Variants in ADAMTS10 observed in about 807,000 individuals in gnomAD.
ADAMTS10 encodes the protein ADAM metallopeptidase with thrombospondin type 1 motif 10.
In ADAMTS10, 48 loss-of-function variants were observed where a neutral mutation model predicts 135.9. That is an observed-to-expected ratio of 0.35 (90% CI 0.28 to 0.45). The LOEUF (loss-of-function observed/expected upper bound fraction) is 0.45. Ranked by LOEUF, ADAMTS10 falls within the 20% of genes least tolerant of loss-of-function variation. The pLI is 1.00. For synonymous variants in ADAMTS10, 621 were observed against 647.5 expected (o/e 0.96, Z 0.62); for missense variants, 1,131 against 1,565.2 (o/e 0.72, Z 4.68).
chr19:8,587,983 T>C lies in ADAMTS10; in HGVS notation c.2159-1087A>G, dbSNP rs111348741. Reference sequence around the variant, plus strand: ...GTAGAGTTTGGCCGGGTGTGGTGGCTCACACCTGTAATCCTAGCACTTTGG... The same window carrying C: ...GTAGAGTTTGGCCGGGTGTGGTGGCCCACACCTGTAATCCTAGCACTTTGG... On this transcript the variant is annotated intron_variant, in intron 18 of 25. Coordinates refer to ENST00000597188, the MANE Select transcript of ADAMTS10 (RefSeq NM_030957.4). Among the ~76,000 whole-genome samples the C allele has an allele frequency of 1.6e-3, 223 of 143,752 alleles. 2 individuals are homozygous for C. The highest frequency in any genetic ancestry group is 5.2e-3 in the African/African-American group (205 of 39,300). The allele number at this position is 143,752 out of a possible 152,430, so 94.3% of individuals were successfully genotyped here.
At chr19:8,594,528 C>T (rs1268726708) in intron 12 of ADAMTS10, among the ~76,000 whole-genome samples, 1 of 152,078 alleles carries the variant, frequency 6.6e-6, no homozygotes, top group Admixed American at 6.6e-5. Flanking sequence ...CAGTGCCAGC[C>T]CAAGCTTGAT....
In ADAMTS10 at chr19:8,596,910, T is replaced by A. The variant is rs1265295616; in HGVS notation, c.1040+77A>T. ...CTCCTCCTGACCCTAGCAGAAGTGA[T>A]CTCTGTTTGGACTCTCATGGTTCCC... is the stretch of plus-strand genomic sequence containing the variant. On this transcript the variant is annotated intron_variant, in intron 8 of 25. Transcript: ENST00000597188. This position sits in a 1 kb window ranked among gnomAD's most constrained non-coding sequence, Gnocchi z 7.2. 6.3e-7 allele frequency: 1 copy of A among 1,595,730 alleles called. No individual in the cohort carries two copies. The highest frequency in any genetic ancestry group is 8.5e-7 in the Non-Finnish European group (1 of 1,175,148).
At chr19:8,589,126 C>T (rs2042481136) in intron 18 of ADAMTS10, 116 bp downstream of exon 18, 1 of 1,553,956 alleles carries the variant, frequency 6.4e-7, no homozygotes, top group Non-Finnish European at 8.7e-7. Context: ...CCTGACACTC[C>T]ACGGGGCCCC....
chr19:8,583,501 A>G (rs1296928963), intron 25 of ADAMTS10, among the ~76,000 whole-genome samples: 6 of 151,600 alleles, frequency 4.0e-5, no homozygotes, highest in African/African-American at 1.5e-4. Context: ...AGATCATGCC[A>G]CTGCACTACA....
chr19:8,603,959 T>C, intron 4 of ADAMTS10, 75 bp from the exon 5 acceptor site: 1 of 1,456,194 alleles, frequency 6.9e-7, no homozygotes, highest in Admixed American at 2.4e-5. Context: ...ACCTTCTCTC[T>C]GTCTTTATGA....
At chr19:8,603,672 C>T (rs782197362) in intron 5 of ADAMTS10, 56 bp downstream of exon 5, 108 of 1,609,352 alleles carry the variant, frequency 6.7e-5, no homozygotes, top group Non-Finnish European at 8.8e-5. Flanking sequence ...GACACTGCTG[C>T]CTCAAGGGAA....
At chr19:8,585,703 G>C (rs1251246668) in intron 22 of ADAMTS10, 43 bp from the exon 23 acceptor site, 25 of 1,590,172 alleles carry the variant, frequency 1.6e-5, no homozygotes, top group Non-Finnish European at 2.1e-5. Flanking sequence ...CAGGGCAGGG[G>C]GTCCCAACAC....
At chr19:8,604,023 T>A in intron 4 of ADAMTS10, 139 bp from the exon 5 acceptor site, 2 of 806,252 alleles carry the variant, frequency 2.5e-6, no homozygotes, top group Non-Finnish European at 3.7e-6. Flanking sequence ...TTGGCATAGG[T>A]AATTAGTGTC....
chr19:8,597,419 CTG>C (rs1416483708), intron 6 of ADAMTS10, 102 bp from the exon 7 acceptor site: 1 of 1,054,746 alleles, frequency 9.5e-7, no homozygotes, highest in East Asian at 2.6e-5. Context: ...CAGGCACCTA[CTG>C]TGTGTCGGGT....
intron 6 of ADAMTS10, among the ~76,000 whole-genome samples, chr19:8,598,533 G>T (rs1311282360): frequency 6.7e-6 from 1 of 150,212 alleles, no homozygotes; most frequent in African/African-American, 2.5e-5. Flanking sequence ...TGGAACCCTG[G>T]GTAATCATTT....
Position 8,607,959 on chromosome 19 carries a change from C to T in ADAMTS10, c.-100+175G>A, listed in dbSNP as rs557374877. The stretch of plus-strand genomic sequence containing the variant: ...CCGAGTAGCTGGGACTACAGGTGTG[C>T]GCCACCATGCCCAGCTAATTTTTGT... On this transcript the variant is annotated intron_variant, in intron 2 of 25. Coordinates refer to ENST00000597188, the MANE Select transcript of ADAMTS10 (RefSeq NM_030957.4). Among the ~76,000 whole-genome samples, 60 of 151,758 alleles carry T rather than the reference C, an allele frequency of 4.0e-4. 1 individual carries two copies. The highest frequency in any genetic ancestry group is 7.8e-4 in the East Asian group (4 of 5,160).
Position 8,596,856 on chromosome 19 carries a change from C to G in ADAMTS10, c.1040+131G>C. ...TCAAGCAGCCCCTCCCCATCCCTGG[C>G]TCCCTCATGGGCAGCCCAAACTTCT... On this transcript the variant is annotated intron_variant, in intron 8 of 25. Transcript: ENST00000597188. This position sits in a 1 kb window ranked among gnomAD's most constrained non-coding sequence, Gnocchi z 7.2. 1 of 1,444,546 alleles carries G rather than the reference C, an allele frequency of 6.9e-7. No homozygotes were observed. The highest frequency in any genetic ancestry group is 9.5e-7 in the Non-Finnish European group (1 of 1,052,382). The allele number at this position is 1,444,546 out of a possible 1,614,324, so 89.5% of individuals were successfully genotyped here.
chr19:8,586,488 CA>C lies in ADAMTS10; in HGVS notation c.2404-19del. On this transcript the variant is annotated intron_variant, in intron 20 of 25. Transcript: ENST00000597188. ...GCCAGCACCTGGAGAAAGGGGGCGG[CA>C]GCCAGTGGAAGGATCGCATGGAGTC... 1 of 1,613,370 alleles carries C rather than the reference CA, an allele frequency of 6.2e-7. No individual in the cohort carries two copies. The highest frequency in any genetic ancestry group is 8.5e-7 in the Non-Finnish European group (1 of 1,180,018).
rs1600096789 is a variant in ADAMTS10 at position 8,586,724 on chromosome 19, G to C, written c.2240-3C>G. The C allele has an allele frequency of 1.2e-6, 2 of 1,614,060 alleles. No individual in the cohort carries two copies. The highest frequency in any genetic ancestry group is 1.7e-6 in the Non-Finnish European group (2 of 1,180,010). On this transcript the variant is annotated splice_region_variant and splice_polypyrimidine_tract_variant and intron_variant, in intron 19 of 25. Coordinates refer to ENST00000597188, the MANE Select transcript of ADAMTS10 (RefSeq NM_030957.4). ...GGACTCCTGGTCTCCCTTCAGGGCT[G>C]GGGGACGATGCAGGGTTCAGAATTC...
intron 11 of ADAMTS10, 26 bp from the exon 12 acceptor site, chr19:8,595,929 A>T (rs1555740042): frequency 6.2e-7 from 1 of 1,614,186 alleles, no homozygotes; most frequent in South Asian, 1.1e-5. Context: ...AGCAACTGTC[A>T]TGCTAGGTGG....
intron 12 of ADAMTS10, 126 bp from the exon 13 acceptor site, chr19:8,592,996 T>C: frequency 1.2e-6 from 1 of 857,940 alleles, no homozygotes; most frequent in Non-Finnish European, 1.9e-6. Flanking sequence ...CGGTGCTCCC[T>C]TCCTGGCTCG....
At chr19:8,604,846 T>C in intron 4 of ADAMTS10, 166 bp downstream of exon 4, 1 of 761,546 alleles carries the variant, frequency 1.3e-6, no homozygotes, top group Non-Finnish European at 2.1e-6. Context: ...AGGCTATACA[T>C]TTTCCTTTAA....
At chr19:8,595,473 G>C (rs551873611) in intron 12 of ADAMTS10, 34 of 458,800 alleles carry the variant, frequency 7.4e-5, no homozygotes, top group South Asian at 1.0e-4. Context: ...TAGCCCACAG[G>C]GGGTGTGATG....
At chr19:8,608,901 G>A (rs1479242069) in intron 1 of ADAMTS10, among the ~76,000 whole-genome samples, 1 of 151,714 alleles carries the variant, frequency 6.6e-6, no homozygotes, top group Admixed American at 6.6e-5. Flanking sequence ...CACAGTGTAT[G>A]GGGTAGGGGG....
Sources: gnomAD v4.1 joint callset for allele counts (sites outside exome capture counted in the v4.1 genomes callset) on GRCh38, gnomAD v4.1.1 for gene constraint, Gnocchi (gnomAD v3.1) non-coding constraint, MANE v1.5 for transcripts, NCBI Gene and HGNC (gene_info 2026-07-23, HGNC 2026-07-21) for gene names.